The following SGK1 variants were observed in gnomAD, a reference collection of about 807,000 sequenced individuals.
The protein encoded by SGK1 is serum/glucocorticoid regulated kinase 1.
In SGK1, 26 loss-of-function variants were observed where a neutral mutation model predicts 64.2. The ratio of observed to expected loss-of-function variants is 0.40; its 90% confidence interval spans 0.30 to 0.56. The LOEUF (loss-of-function observed/expected upper bound fraction) is 0.56. Among genes scored for constraint, SGK1 ranks in the 20% least tolerant of loss-of-function variants. SGK1 has a pLI of 0.38. For missense variants in SGK1, 519 were observed against 645.6 expected, an observed-to-expected ratio of 0.80 and a Z score of 2.12; for synonymous variants, 265 against 239.7, an observed-to-expected ratio of 1.11 and a Z score of -0.98.
intron 1 of SGK1, among the ~76,000 whole-genome samples, chr6:134,265,854 C>G (rs9376023): frequency 6.6e-6 from 1 of 151,594 alleles, no homozygotes; most frequent in East Asian, 1.9e-4. Context: ...TCAAGCCAAG[C>G]TGGTTAGAAC....
At chr6:134,287,529 A>G (rs1299367384) in intron 1 of SGK1, among the ~76,000 whole-genome samples, 1 of 148,360 alleles carries the variant, frequency 6.7e-6, no homozygotes, top group Admixed American at 6.8e-5. Flanking sequence ...ATATTTGTCT[A>G]TTTATTGGAA....
At position 134,226,807 on chromosome 6, in the gene SGK1, T is replaced by C. The variant is rs577671566; in HGVS notation, c.286-19376A>G. Among the ~76,000 whole-genome samples the C allele has an allele frequency of 2.2e-3, 340 of 152,332 alleles. 1 individual carries two copies. Among genetic ancestry groups the C allele is most frequent in the African/African-American group, 7.8e-3 (326 of 41,578 alleles). ...CTCAAGTGATCCTCCCACTTCAGCC[T>C]CCTGAGTAGCTGGGACTGCAGGCTC... On this transcript the variant is annotated intron_variant, in intron 2 of 13. Coordinates refer to ENST00000367858, the MANE Select transcript of SGK1 (RefSeq NM_001143676.3).
chr6:134,237,912 C>T (rs1325939019), intron 2 of SGK1, among the ~76,000 whole-genome samples: 1 of 152,034 alleles, frequency 6.6e-6, no homozygotes, highest in Non-Finnish European at 1.5e-5. Flanking sequence ...ATAAACTTGT[C>T]CTTGAGAATA....
At position 134,271,727 on chromosome 6, in the gene SGK1, C is replaced by T. The variant is rs1386678866; in HGVS notation, c.70-9579G>A. On this transcript the variant is annotated intron_variant, in intron 1 of 13. Coordinates refer to ENST00000367858, the MANE Select transcript of SGK1 (RefSeq NM_001143676.3). ...CATCACCCAGGAATTAAGCCTAGTA[C>T]CCAATAGTTATCTTTTGTGCTCTTC... Among the ~76,000 whole-genome samples, 6 of 147,952 alleles carry T rather than the reference C, an allele frequency of 4.1e-5. 1 individual carries two copies. Among genetic ancestry groups the T allele is most frequent in the Non-Finnish European group, 9.0e-5 (6 of 66,744 alleles).
intron 1 of SGK1, among the ~76,000 whole-genome samples, chr6:134,310,189 C>T (rs527551161): frequency 6.6e-6 from 1 of 152,204 alleles, no homozygotes; most frequent in South Asian, 2.1e-4. Flanking sequence ...ACATATGGCA[C>T]CCGCATTTCA....
intron 1 of SGK1, among the ~76,000 whole-genome samples, chr6:134,299,061 A>G (rs946489522): frequency 1.3e-5 from 2 of 152,046 alleles, no homozygotes; most frequent in East Asian, 3.9e-4. Flanking sequence ...GACCTGCCAA[A>G]GTGCTGGGAT....
chr6:134,297,938 C>T (rs953366002), intron 1 of SGK1: 7 of 807,210 alleles, frequency 8.7e-6, no homozygotes, highest in Admixed American at 5.1e-5. Context: ...GCGCCTTGAC[C>T]TCAGTGATGA....
chr6:134,232,272 C>G (rs1418694711), intron 2 of SGK1, among the ~76,000 whole-genome samples: 1 of 151,330 alleles, frequency 6.6e-6, no homozygotes, highest in Non-Finnish European at 1.5e-5. Flanking sequence ...GTAATCCCAG[C>G]TATTCGGGAG....
Position 134,253,660 on chromosome 6 carries a change from T to A in SGK1, c.285+8273A>T, listed in dbSNP as rs7743297. Reference sequence around the variant, plus strand: ...AGAGTGAGACCTTGTCTCAAAAAAATAAAAAATTTTTTTCTACAGTGCCCC... The same window carrying A: ...AGAGTGAGACCTTGTCTCAAAAAAAAAAAAAATTTTTTTCTACAGTGCCCC... On this transcript the variant is annotated intron_variant, in intron 2 of 13. Transcript: ENST00000367858. 3.8e-3 allele frequency among the ~76,000 whole-genome samples: 578 copies of A among 152,080 alleles called. 1 individual carries two copies. Among genetic ancestry groups the A allele is most frequent in the African/African-American group, 0.013 (537 of 41,508 alleles).
At chr6:134,309,717 G>A (rs1562281449) in intron 1 of SGK1, among the ~76,000 whole-genome samples, 1 of 152,146 alleles carries the variant, frequency 6.6e-6, no homozygotes, top group African/African-American at 2.4e-5. Flanking sequence ...TCATCCCCAG[G>A]TTGGTGAGGA....
chr6:134,207,403 A>G lies in SGK1; in HGVS notation c.314T>C (p.Ile105Thr). ...GGTTCTTGGATCGGGCTTGGTCAGG[A>G]TGTTGGCATGATTACATGGCTCTCT... is the stretch of plus-strand genomic sequence containing the variant. ...EVREPCNHANILTKPDPRTFW... is the reference protein window; with the variant it reads ...EVREPCNHANTLTKPDPRTFW... Residue 105 changes from isoleucine (I) to threonine (T), a missense_variant, in exon 3 of 14, where the codon ATC (isoleucine) becomes ACC (threonine). By Grantham distance (89) the Ile-to-Thr change is moderately conservative. Transcript: ENST00000367858. 1 of 1,612,382 alleles carries G rather than the reference A, an allele frequency of 6.2e-7. No homozygotes were observed. Among genetic ancestry groups the G allele is most frequent in the South Asian group, 1.1e-5 (1 of 90,960 alleles).
intron 1 of SGK1, among the ~76,000 whole-genome samples, chr6:134,275,101 G>A (rs373367868): frequency 9.2e-5 from 14 of 152,124 alleles, no homozygotes; most frequent in African/African-American, 2.9e-4. Context: ...GAGCCACAGC[G>A]CCTGGCCATC....
At chr6:134,206,759 T>C (rs1775793044) in intron 3 of SGK1, among the ~76,000 whole-genome samples, 1 of 147,936 alleles carries the variant, frequency 6.8e-6, no homozygotes, top group Admixed American at 6.8e-5. Context: ...CCCAGCTACT[T>C]GGGGGGCTGA....
intron 1 of SGK1, among the ~76,000 whole-genome samples, chr6:134,316,467 C>T (rs918211448): frequency 6.6e-6 from 1 of 152,048 alleles, no homozygotes; most frequent in African/African-American, 2.4e-5. Context: ...GAAACACTGT[C>T]CTTAAGAGTG....
intron 2 of SGK1, among the ~76,000 whole-genome samples, chr6:134,225,014 AAAAAAAAAAG>A (rs1166744805): frequency 6.7e-6 from 1 of 149,040 alleles, no homozygotes; most frequent in Non-Finnish European, 1.5e-5. Flanking sequence ...ATCTCAAAAA[AAAAAAAAAAG>A]AAAAAAGAAA....
intron 2 of SGK1, among the ~76,000 whole-genome samples, chr6:134,212,517 T>G (rs1329891365): frequency 6.6e-6 from 1 of 152,166 alleles, no homozygotes; most frequent in Non-Finnish European, 1.5e-5. Context: ...GAGCTTATTT[T>G]AAGTCTTTTT....
intron 3 of SGK1, among the ~76,000 whole-genome samples, chr6:134,182,978 G>A (rs1775354437): frequency 6.6e-6 from 1 of 152,148 alleles, no homozygotes; most frequent in African/African-American, 2.4e-5. Context: ...AACAACAGAA[G>A]GCAAATATAG....
chr6:134,198,759 T>G (rs1775634960), intron 3 of SGK1, among the ~76,000 whole-genome samples: 1 of 119,816 alleles, frequency 8.3e-6, no homozygotes, highest in South Asian at 2.8e-4. Flanking sequence ...AAACAGGGTC[T>G]TACTCCTGGC....
intron 1 of SGK1, among the ~76,000 whole-genome samples, chr6:134,287,438 A>C (rs942166377): frequency 2.0e-5 from 3 of 150,524 alleles, no homozygotes; most frequent in Non-Finnish European, 3.0e-5. Context: ...TATATAGATA[A>C]GAAGGCTTTT....
Sources: allele counts gnomAD v4.1 joint callset (sites outside exome capture counted in the v4.1 genomes callset), GRCh38; gene constraint gnomAD v4.1.1; transcripts MANE v1.5; gene names NCBI Gene and HGNC (gene_info 2026-07-23, HGNC 2026-07-21).